DDAH1: variants seen among roughly 807,000 people sequenced by gnomAD.
The protein encoded by DDAH1 is dimethylarginine dimethylaminohydrolase 1, also known as N(G),N(G)-dimethylarginine dimethylaminohydrolase 1.
In DDAH1, 19 loss-of-function variants were observed where a neutral mutation model predicts 28.8. That is an observed-to-expected ratio of 0.66 (90% confidence interval 0.46 to 0.97). DDAH1 has a LOEUF of 0.97. Among genes scored for constraint, DDAH1 ranks in the 50% least tolerant of loss-of-function variants. The pLI is 0.00. For synonymous variants in DDAH1, 153 were observed against 154.4 expected (o/e 0.99, Z 0.07); for missense variants, 326 against 375.9 (o/e 0.87, Z 1.10).
Position 85,397,538 on chromosome 1 carries a change from A to AT in DDAH1, c.304-38692dup, listed in dbSNP as rs1319733433. On this transcript the variant is annotated intron_variant, in intron 1 of 5. Coordinates refer to ENST00000284031, the MANE Select transcript of DDAH1 (RefSeq NM_012137.4). ...TTTATTTTCCAGATTTAAGAAAACGATTTTTTAAAGCTATCTCTAGCTCAC... is the reference window on the plus strand; with the variant it reads ...TTTATTTTCCAGATTTAAGAAAACGATTTTTTTAAAGCTATCTCTAGCTCAC... 1.4e-4 allele frequency among the ~76,000 whole-genome samples: 21 copies of AT among 152,290 alleles called. 1 individual carries two copies. In the East Asian group the frequency reaches 4.0e-3, roughly 29 times the overall value.
intron 2 of DDAH1, among the ~76,000 whole-genome samples, chr1:85,483,174 A>G (rs1459286192): frequency 6.6e-6 from 1 of 150,688 alleles, no homozygotes; most frequent in Non-Finnish European, 1.5e-5. Context: ...AGATCGTGCC[A>G]CTGCATTCCA....
chr1:85,343,777 T>C (rs893710754), intron 4 of DDAH1, among the ~76,000 whole-genome samples: 3 of 152,218 alleles, frequency 2.0e-5, no homozygotes, highest in African/African-American at 7.2e-5. Flanking sequence ...GCATATAAAA[T>C]CCAAACACAT....
At chr1:85,425,191 C>G (rs951257183) in intron 1 of DDAH1, among the ~76,000 whole-genome samples, 2 of 152,162 alleles carry the variant, frequency 1.3e-5, no homozygotes, top group African/African-American at 4.8e-5. Context: ...AAACCAAAAT[C>G]TCACTTCAGG....
intron 1 of DDAH1, among the ~76,000 whole-genome samples, chr1:85,546,276 G>A (rs1658623973): frequency 6.6e-6 from 1 of 152,078 alleles, no homozygotes; most frequent in Non-Finnish European, 1.5e-5. Flanking sequence ...TTGGGAGTGG[G>A]TTCCTTATAA....
chr1:85,345,380 A>T (rs183544751), intron 4 of DDAH1, among the ~76,000 whole-genome samples: 1 of 152,076 alleles, frequency 6.6e-6, no homozygotes, highest in East Asian at 1.9e-4. Flanking sequence ...GTGAGATGCA[A>T]AGTTGGGAGA....
intron 1 of DDAH1, among the ~76,000 whole-genome samples, chr1:85,452,023 T>C (rs1169661001): frequency 6.6e-6 from 1 of 152,200 alleles, no homozygotes; most frequent in African/African-American, 2.4e-5. Flanking sequence ...AAAATGCCTG[T>C]TTACTGGGAA....
Position 85,339,224 on chromosome 1 carries a change from G to A in DDAH1, c.597+11191C>T, listed in dbSNP as rs233065. ...ATACAAAAACTCTAATAGATTCAGC[G>A]CTTTTCATTTAGCTCCTAATTGTTT... On this transcript the variant is annotated intron_variant, in intron 4 of 5. Coordinates refer to ENST00000284031, the MANE Select transcript of DDAH1 (RefSeq NM_012137.4). Among the ~76,000 whole-genome samples, 1,420 of 152,128 alleles carry A rather than the reference G, an allele frequency of 9.3e-3. 20 individuals carry two copies. The highest frequency in any genetic ancestry group is 0.032 in the African/African-American group (1,337 of 41,472).
intron 1 of DDAH1, among the ~76,000 whole-genome samples, chr1:85,527,888 TG>T (rs1657928579): frequency 6.6e-6 from 1 of 152,202 alleles, no homozygotes; most frequent in African/African-American, 2.4e-5. Flanking sequence ...ATTCTATTTA[TG>T]GGTAGATGTC....
chr1:85,382,568 G>C (rs1328152999), intron 1 of DDAH1, among the ~76,000 whole-genome samples: 1 of 152,182 alleles, frequency 6.6e-6, no homozygotes, highest in East Asian at 1.9e-4. Flanking sequence ...TTATGAATAT[G>C]GTTGATGAAG....
At chr1:85,549,845 G>GT (rs1461392062) in intron 1 of DDAH1, among the ~76,000 whole-genome samples, 1 of 152,164 alleles carries the variant, frequency 6.6e-6, no homozygotes, top group Non-Finnish European at 1.5e-5. Flanking sequence ...CCTTGGAAGA[G>GT]TGATTAAGTA....
chr1:85,529,876 C>G (rs1486420336), intron 1 of DDAH1, among the ~76,000 whole-genome samples: 20 of 147,450 alleles, frequency 1.4e-4, no homozygotes, highest in African/African-American at 4.8e-4. Context: ...CCAGAGTCAG[C>G]TTTCTCCTTA....
intron 1 of DDAH1, among the ~76,000 whole-genome samples, chr1:85,454,931 C>T (rs886628835): frequency 2.0e-5 from 3 of 152,226 alleles, no homozygotes; most frequent in South Asian, 2.1e-4. Flanking sequence ...TAACAAAAGA[C>T]GAAAGTGAAG....
Position 85,357,401 on chromosome 1 carries a change from C to A in DDAH1, c.403+1347G>T, listed in dbSNP as rs233092. Among the ~76,000 whole-genome samples the A allele has an allele frequency of 9.6e-3, 1,464 of 152,252 alleles. 26 individuals carry two copies. Among genetic ancestry groups the A allele is most frequent in the African/African-American group, 0.034 (1,400 of 41,522 alleles). On this transcript the variant is annotated intron_variant, in intron 2 of 5. Coordinates refer to ENST00000284031, the MANE Select transcript of DDAH1 (RefSeq NM_012137.4). ...CAGAGCTGGCAACGTGGTGGCCCCACCCATAGCGACAGTATGTGACACTTA... is the reference window on the plus strand; with the variant it reads ...CAGAGCTGGCAACGTGGTGGCCCCAACCATAGCGACAGTATGTGACACTTA...
chr1:85,338,043 C>CA (rs1473223723), intron 4 of DDAH1, among the ~76,000 whole-genome samples: 1 of 152,208 alleles, frequency 6.6e-6, no homozygotes, highest in African/African-American at 2.4e-5. Flanking sequence ...ACTTCTCCCC[C>CA]AAACAGAGAT....
At chr1:85,536,383 T>C (rs1658278014) in intron 1 of DDAH1, among the ~76,000 whole-genome samples, 1 of 150,554 alleles carries the variant, frequency 6.6e-6, no homozygotes, top group Non-Finnish European at 1.5e-5. Flanking sequence ...TGAAACCCCG[T>C]CTCTACTAAA....
chr1:85,325,246 G>A (rs2100788751), intron 4 of DDAH1, among the ~76,000 whole-genome samples: 1 of 152,286 alleles, frequency 6.6e-6, no homozygotes, highest in African/African-American at 2.4e-5. Flanking sequence ...GGCTGAGTAA[G>A]CAGGGCTGCC....
At chr1:85,499,991 C>A (rs1656735886) in intron 1 of DDAH1, among the ~76,000 whole-genome samples, 1 of 152,110 alleles carries the variant, frequency 6.6e-6, no homozygotes, top group African/African-American at 2.4e-5. Context: ...TTTATGTGTA[C>A]CATTGATACA....
intron 1 of DDAH1, among the ~76,000 whole-genome samples, chr1:85,441,636 T>A (rs749135687): frequency 2.6e-5 from 4 of 152,174 alleles, no homozygotes; most frequent in African/African-American, 4.8e-5. Flanking sequence ...ATTGCTTTAC[T>A]CCAAGCCAGC....
intron 1 of DDAH1, among the ~76,000 whole-genome samples, chr1:85,381,603 T>C (rs1312878635): frequency 6.6e-6 from 1 of 152,170 alleles, no homozygotes; most frequent in Non-Finnish European, 1.5e-5. Flanking sequence ...TGTTCCTTTA[T>C]ATACAATGAG....
Sources: allele counts gnomAD v4.1 joint callset (sites outside exome capture counted in the v4.1 genomes callset), GRCh38; gene constraint gnomAD v4.1.1; transcripts MANE v1.5; gene names NCBI Gene and HGNC (gene_info 2026-07-23, HGNC 2026-07-21).